Variants in ITPKB observed in about 807,000 individuals in gnomAD.
ITPKB encodes IP3 3-kinase B.
In ITPKB, 13 loss-of-function variants were observed where a neutral mutation model predicts 69.4. The observed-to-expected ratio is 0.19, with a 90% confidence interval of 0.12 to 0.30. The LOEUF is 0.30. ITPKB is among the 10% of genes least tolerant of loss of function. The pLI, the probability that ITPKB is intolerant of heterozygous loss-of-function variation, is 1.00. For missense variants in ITPKB, 1,240 were observed against 1,250.5 expected (o/e 0.99, Z 0.13); for synonymous variants, 584 against 513.7 (o/e 1.14, Z -1.85).
intron 2 of ITPKB, among the ~76,000 whole-genome samples, chr1:226,711,427 GA>G (rs1343815200): frequency 2.1e-4 from 27 of 126,338 alleles, no homozygotes; most frequent in African/African-American, 7.3e-4. Flanking sequence ...GAGAGAGAGA[GA>G]GAGAGAGAGA....
intron 2 of ITPKB, chr1:226,675,991 T>C (rs1325990081): frequency 6.6e-6 from 1 of 152,234 alleles, no homozygotes; most frequent in African/African-American, 2.4e-5. Context: ...AGTGGGGGGA[T>C]CTCAACCAAA....
intron 2 of ITPKB, among the ~76,000 whole-genome samples, chr1:226,655,542 G>T (rs900787012): frequency 6.6e-6 from 1 of 152,226 alleles, no homozygotes; most frequent in African/African-American, 2.4e-5. Context: ...GGAAAGGCCT[G>T]GCAGGAGCGG....
At chr1:226,708,704 C>T (rs990412453) in intron 2 of ITPKB, among the ~76,000 whole-genome samples, 2 of 152,250 alleles carry the variant, frequency 1.3e-5, no homozygotes, top group African/African-American at 4.8e-5. Flanking sequence ...CTTTCAGTAA[C>T]TCTGCTATGC....
chr1:226,660,341 C>T (rs190499711), intron 2 of ITPKB, among the ~76,000 whole-genome samples: 2 of 152,324 alleles, frequency 1.3e-5, no homozygotes, highest in East Asian at 3.9e-4. Context: ...TGCACTCCTT[C>T]CCTCATCCAC....
intron 2 of ITPKB, among the ~76,000 whole-genome samples, chr1:226,663,357 G>A (rs1053441935): frequency 1.3e-5 from 2 of 152,026 alleles, no homozygotes; most frequent in African/African-American, 4.8e-5. Flanking sequence ...TGTCCCAATC[G>A]GGGCAGACCT....
chr1:226,713,557 T>G (rs2102638947), intron 2 of ITPKB, among the ~76,000 whole-genome samples: 1 of 152,320 alleles, frequency 6.6e-6, no homozygotes, highest in Admixed American at 6.5e-5. Flanking sequence ...AGTCGTGGTC[T>G]GGAGGAATTT....
At chr1:226,711,406 A>G (rs1177183480) in intron 2 of ITPKB, among the ~76,000 whole-genome samples, 4 of 80,014 alleles carry the variant, frequency 5.0e-5, no homozygotes, top group African/African-American at 2.0e-4. Context: ...GTGTTTTGAA[A>G]GAGAGAGAGA....
chr1:226,731,030 A>C (rs74774289), intron 2 of ITPKB, among the ~76,000 whole-genome samples: 3,668 of 152,352 alleles, frequency 0.024, 156 homozygotes, highest in African/African-American at 0.084. Context: ...CATGATAAGT[A>C]GCAACGCTTA....
rs144277668 is a variant in ITPKB, at chr1:226,634,690, T to C, written c.2822A>G (p.Gln941Arg). 2.5e-5 allele frequency: 22 copies of C among 869,052 alleles called. No homozygotes were observed. Among genetic ancestry groups the C allele is most frequent in the Admixed American group, 5.1e-5 (3 of 59,092 alleles). 53.8% of individuals were successfully genotyped at this position (869,052 alleles called of 1,614,324 possible). The stretch of plus-strand genomic sequence containing the variant: ...GGCAGCTCAGGCGAGTGGGGCATCC[T>C]GGGACATCTCGGTCAGGATGTCGAC... ...NLVDILTEMSQDAPLA is the reference protein window; with the variant it reads ...NLVDILTEMSRDAPLA Residue 941 changes from glutamine to arginine, a missense_variant, in exon 8 of 8, where the codon CAG becomes CGG. By Grantham distance (43) the Gln-to-Arg change is conservative. Around this residue, in one of 2 missense-constraint regions of ITPKB, gnomAD observed 248 missense variants for 396.7 expected, o/e 0.63. Transcript: ENST00000429204. This position sits in a 1 kb window ranked among gnomAD's most constrained non-coding sequence, Gnocchi z 6.3.
At chr1:226,728,684 C>T (rs12023075) in intron 2 of ITPKB, among the ~76,000 whole-genome samples, 28,404 of 152,156 alleles carry the variant, frequency 0.19, 2,820 homozygotes, top group Middle Eastern at 0.34. Context: ...ACCACTACTA[C>T]TACACCCCTA....
At chr1:226,690,659 G>A (rs1558086535) in intron 2 of ITPKB, among the ~76,000 whole-genome samples, 2 of 152,184 alleles carry the variant, frequency 1.3e-5, no homozygotes, top group African/African-American at 4.8e-5. Flanking sequence ...CAACTGAGAA[G>A]GACAGACACT....
At chr1:226,696,872 G>A (rs1656502278) in intron 2 of ITPKB, among the ~76,000 whole-genome samples, 1 of 152,172 alleles carries the variant, frequency 6.6e-6, no homozygotes, top group Non-Finnish European at 1.5e-5. Flanking sequence ...CTAGGGGCCG[G>A]GGGGTTAGCA....
chr1:226,734,506 A>G (rs773032633), intron 2 of ITPKB, among the ~76,000 whole-genome samples: 25 of 152,294 alleles, frequency 1.6e-4, no homozygotes, highest in South Asian at 1.4e-3. Flanking sequence ...TAAAATGCAG[A>G]CTTTCCCCCA....
At chr1:226,701,629 A>T (rs926054343) in intron 2 of ITPKB, among the ~76,000 whole-genome samples, 1 of 150,500 alleles carries the variant, frequency 6.6e-6, no homozygotes, top group Non-Finnish European at 1.5e-5. Flanking sequence ...AAAAAAAAAA[A>T]AACTTCACTT....
At chr1:226,655,636 G>C (rs1300579450) in intron 2 of ITPKB, among the ~76,000 whole-genome samples, 1 of 152,242 alleles carries the variant, frequency 6.6e-6, no homozygotes, top group Non-Finnish European at 1.5e-5. Flanking sequence ...GTCTGAGCCA[G>C]TCAGTGGCCA....
intron 6 of ITPKB, among the ~76,000 whole-genome samples, chr1:226,639,054 CTTT>C (rs34561047): frequency 1.6e-5 from 2 of 123,790 alleles, no homozygotes; most frequent in Non-Finnish European, 1.6e-5. Context: ...GTGCCCTTGA[CTTT>C]TTTTTTTTTT....
chr1:226,737,413 T>C lies in ITPKB; in HGVS notation c.46A>G (p.Ser16Gly). 6.2e-7 allele frequency: 1 copy of C among 1,611,256 alleles called. No individual in the cohort carries two copies. Among genetic ancestry groups the C allele is most frequent in the Non-Finnish European group, 8.5e-7 (1 of 1,179,540 alleles). The change falls in exon 2 of 8, where the codon AGC becomes GGC. Residue 16 changes from serine to glycine, a missense_variant. This residue lies in a region of ITPKB where 992 missense variants were observed against 853.8 expected (regional missense o/e 1.16). Coordinates refer to ENST00000429204, the MANE Select transcript of ITPKB (RefSeq NM_002221.4). ...CCGCCGCTCTTCATCTCGTTGGCGC[T>C]ATTCATGATCACCAGGCTATTGAGC... ...YALNSLVIMN[S>G]ANEMKSGGGP...
intron 2 of ITPKB, among the ~76,000 whole-genome samples, chr1:226,716,173 G>C (rs540039091): frequency 1.7e-4 from 26 of 152,276 alleles, no homozygotes; most frequent in African/African-American, 6.0e-4. Flanking sequence ...CTAACCAGAC[G>C]ACTTAAAGTA....
At chr1:226,734,241 G>A (rs535847270) in intron 2 of ITPKB, among the ~76,000 whole-genome samples, 123 of 152,306 alleles carry the variant, frequency 8.1e-4, no homozygotes, top group African/African-American at 2.9e-3. Context: ...TGATTGGGGC[G>A]ATTTTGCATA....
Sources: gnomAD v4.1 joint callset for allele counts (sites outside exome capture counted in the v4.1 genomes callset) on GRCh38, gnomAD v4.1.1 for gene constraint, gnomAD v4.1.1 regional missense constraint, Gnocchi (gnomAD v3.1) non-coding constraint, MANE v1.5 for transcripts, NCBI Gene and HGNC (gene_info 2026-07-23, HGNC 2026-07-21) for gene names.